The following FAM81B variants were observed in gnomAD, a reference collection of about 807,000 sequenced individuals.
The protein encoded by FAM81B is family with sequence similarity 81 member B.
FAM81B carries 60 observed loss-of-function variants against 58.7 expected under a neutral mutation model. The ratio of observed to expected loss-of-function variants is 1.02; its 90% CI spans 0.83 to 1.27. The LOEUF (loss-of-function observed/expected upper bound fraction) is 1.27, where lower values mean the gene tolerates loss of function less well. Ranked by LOEUF, FAM81B falls within the 50% of genes most tolerant of loss-of-function variation. The pLI, the probability that FAM81B is intolerant of heterozygous loss-of-function variation, is 0.00. For missense variants in FAM81B, 491 were observed against 522.0 expected (o/e 0.94, Z 0.58); for synonymous variants, 189 against 179.6 (o/e 1.05, Z -0.42).
In FAM81B at chr5:95,420,387, G is replaced by A. The variant is rs933952692; in HGVS notation, c.641G>A (p.Arg214Gln). Residue 214 changes from arginine to glutamine, a missense_variant, in exon 5 of 10, where the codon CGA (arginine) becomes CAA (glutamine). Transcript: ENST00000283357. ...CACCTACAAGGAGTTGGAGATCTTC[G>A]AGGAAGAGTAGCCAGGTGAGAAGAA... ...IKHLQGVGDL[R>Q]GRVARCDSSI... The A allele has an allele frequency of 2.2e-5, 35 of 1,613,514 alleles. No homozygotes were observed. Among genetic ancestry groups the A allele is most frequent in the South Asian group, 4.4e-5 (4 of 91,062 alleles).
chr5:95,392,832 G>T lies in FAM81B; in HGVS notation c.163G>T (p.Ala55Ser), dbSNP rs759208210. 2 of 1,612,226 alleles carry T rather than the reference G, an allele frequency of 1.2e-6. No homozygotes were observed. The highest frequency in any genetic ancestry group is 2.7e-5 in the African/African-American group (2 of 74,896). ...VNKSASPTAT[A>S]EEQPVEPDGP... ...CAAAAGTGCCTCTCCAACTGCGACT[G>T]CAGAGGAACAGCCAGTTGAACCTGA... Residue 55 changes from alanine to serine, a missense_variant, in exon 2 of 10, where the codon GCA (alanine) becomes TCA (serine). By Grantham distance (99) the Ala-to-Ser change is moderately conservative. Transcript: ENST00000283357.
intron 3 of FAM81B, among the ~76,000 whole-genome samples, chr5:95,400,790 A>AC (rs1482725445): frequency 6.6e-6 from 1 of 152,030 alleles, no homozygotes; most frequent in Non-Finnish European, 1.5e-5. Context: ...TCTCCACAGA[A>AC]CAGAGAGGGA....
Position 95,414,210 on chromosome 5 carries a change from A to C in FAM81B, c.537+20A>C. 1 of 1,591,494 alleles carries C rather than the reference A, an allele frequency of 6.3e-7. No individual in the cohort carries two copies. The stretch of plus-strand genomic sequence containing the variant: ...ATTGAGGTAGTTCTCTTTTTGTTTT[A>C]TTTTGTTTTTGTTTTGTATTTTGGC... On this transcript the variant is annotated intron_variant, in intron 4 of 9. Transcript: ENST00000283357.
chr5:95,441,015 G>A (rs1172858840), intron 7 of FAM81B, among the ~76,000 whole-genome samples: 1 of 152,122 alleles, frequency 6.6e-6, no homozygotes, highest in Non-Finnish European at 1.5e-5. Flanking sequence ...AGGGAATCCA[G>A]GAGCAAATGC....
rs1015542556 is a variant in FAM81B at position 95,439,598 on chromosome 5, G to A, written c.893+2692G>A. Among the ~76,000 whole-genome samples, 5 of 108,660 alleles carry A rather than the reference G, an allele frequency of 4.6e-5. No homozygotes were observed. The East Asian group carries it at 2.2e-3, about 49-fold the overall frequency. 71.3% of individuals were successfully genotyped at this position (108,660 alleles called of 152,430 possible). On this transcript the variant is annotated intron_variant, in intron 7 of 9. Coordinates refer to ENST00000283357, the MANE Select transcript of FAM81B (RefSeq NM_152548.3). ...TGTATTTTGCTCAAAGAGAAAGTAA[G>A]ACAGGGTTATTTTTTTTTTCAATCA... is the stretch of plus-strand genomic sequence containing the variant.
At chr5:95,447,357 T>G (rs989176245) in intron 8 of FAM81B, among the ~76,000 whole-genome samples, 1 of 152,180 alleles carries the variant, frequency 6.6e-6, no homozygotes, top group African/African-American at 2.4e-5. Flanking sequence ...CAGGAAATAA[T>G]GTCCCCAGCT....
Position 95,428,696 on chromosome 5 carries a change from C to T in FAM81B, c.750C>T (p.Pro250=), listed in dbSNP as rs201492691. 255 of 1,613,838 alleles carry T rather than the reference C, an allele frequency of 1.6e-4. No homozygotes were observed. The highest frequency in any genetic ancestry group is 2.0e-4 in the Non-Finnish European group (233 of 1,179,854). The part of the protein sequence containing the change: ...QIEKAIQEFV[P]ALETLSKNLD... Reference sequence around the variant, plus strand: ...AGAAAGCCATTCAAGAATTCGTGCCCGCCCTGGAAACTCTTTCCAAGAACT... The same window carrying T: ...AGAAAGCCATTCAAGAATTCGTGCCTGCCCTGGAAACTCTTTCCAAGAACT... Residue 250 remains proline (P), a synonymous_variant, in exon 6 of 10, where the codon CCC becomes CCT. Transcript: ENST00000283357.
chr5:95,436,437 T>C (rs1393555219), intron 6 of FAM81B, among the ~76,000 whole-genome samples: 2 of 152,232 alleles, frequency 1.3e-5, no homozygotes, highest in African/African-American at 2.4e-5. Flanking sequence ...CCATATCTTG[T>C]ATTGTAACGG....
intron 5 of FAM81B, among the ~76,000 whole-genome samples, chr5:95,422,999 G>A (rs1285588621): frequency 6.6e-6 from 1 of 152,056 alleles, no homozygotes; most frequent in Non-Finnish European, 1.5e-5. Context: ...TTTGGCTAAC[G>A]GCCATGAGAC....
intron 2 of FAM81B, among the ~76,000 whole-genome samples, chr5:95,393,588 TATC>T (rs1761887861): frequency 6.6e-6 from 1 of 152,160 alleles, no homozygotes; most frequent in Non-Finnish European, 1.5e-5. Context: ...ACAGTATGAT[TATC>T]ATCATCATCT....
At chr5:95,404,157 G>T (rs1284294683) in intron 3 of FAM81B, among the ~76,000 whole-genome samples, 1 of 152,116 alleles carries the variant, frequency 6.6e-6, no homozygotes, top group Non-Finnish European at 1.5e-5. Context: ...AGAAAATAAT[G>T]AGCAAATCTG....
chr5:95,440,205 A>G, intron 7 of FAM81B: 1 of 638,892 alleles, frequency 1.6e-6, no homozygotes, highest in South Asian at 1.4e-5. Context: ...ACAAGAAGCT[A>G]TTGACTGGCT....
At chr5:95,418,445 T>A (rs1009953217) in intron 4 of FAM81B, among the ~76,000 whole-genome samples, 2 of 152,174 alleles carry the variant, frequency 1.3e-5, no homozygotes, top group African/African-American at 4.8e-5. Context: ...TAAGAACAAA[T>A]CTTCTATCCA....
chr5:95,408,494 G>A (rs1762324530), intron 3 of FAM81B, among the ~76,000 whole-genome samples: 1 of 152,178 alleles, frequency 6.6e-6, no homozygotes, highest in Non-Finnish European at 1.5e-5. Flanking sequence ...AACTTGGTTT[G>A]TTAGAATAGT....
At chr5:95,439,608 T>TC (rs1197003574) in intron 7 of FAM81B, among the ~76,000 whole-genome samples, 1 of 78,212 alleles carries the variant, frequency 1.3e-5, no homozygotes, top group Non-Finnish European at 2.1e-5. Context: ...GACAGGGTTA[T>TC]TTTTTTTTTC....
chr5:95,427,067 T>G (rs1762864133), intron 5 of FAM81B, among the ~76,000 whole-genome samples: 1 of 151,932 alleles, frequency 6.6e-6, no homozygotes, highest in Admixed American at 6.6e-5. Flanking sequence ...GAAAAGAAGC[T>G]TTTCCCAGAT....
At chr5:95,443,223 C>G (rs182807303) in intron 7 of FAM81B, among the ~76,000 whole-genome samples, 3 of 152,196 alleles carry the variant, frequency 2.0e-5, no homozygotes, top group East Asian at 1.9e-4. Context: ...CACTGCAGCT[C>G]TCTGCCTTGT....
chr5:95,407,581 T>C (rs1219112347), intron 3 of FAM81B, among the ~76,000 whole-genome samples: 1 of 152,224 alleles, frequency 6.6e-6, no homozygotes, highest in Admixed American at 6.5e-5. Context: ...AGAGATGCCA[T>C]ATACTAAATC....
At chr5:95,433,218 C>T (rs1312691475) in intron 6 of FAM81B, among the ~76,000 whole-genome samples, 3 of 151,818 alleles carry the variant, frequency 2.0e-5, no homozygotes, top group East Asian at 1.9e-4. Context: ...ACTCATAGTT[C>T]CACATGGCTG....
Sources: gnomAD v4.1 joint callset for allele counts (sites outside exome capture counted in the v4.1 genomes callset) on GRCh38, gnomAD v4.1.1 for gene constraint, MANE v1.5 for transcripts, NCBI Gene and HGNC (gene_info 2026-07-23, HGNC 2026-07-21) for gene names.